The following ANO1 variants were observed in gnomAD, a reference collection of about 807,000 sequenced individuals.
ANO1 encodes the protein anoctamin-1.
ANO1 carries 59 observed loss-of-function variants against 124.0 expected under a neutral mutation model. That is an observed-to-expected ratio of 0.48 (90% CI 0.39 to 0.59). The LOEUF (loss-of-function observed/expected upper bound fraction) is 0.59. Among genes scored for constraint, ANO1 ranks in the 20% least tolerant of loss-of-function variants. ANO1 has a pLI of 0.00. For missense variants in ANO1, 1,059 were observed against 1,328.0 expected, an observed-to-expected ratio of 0.80 and a Z score of 3.15; for synonymous variants, 529 against 532.0, an observed-to-expected ratio of 0.99 and a Z score of 0.08.
chr11:70,118,311 T>C (rs1441517763), intron 8 of ANO1, among the ~76,000 whole-genome samples: 3 of 151,998 alleles, frequency 2.0e-5, no homozygotes, highest in Non-Finnish European at 4.4e-5. Context: ...TACTTATTCA[T>C]TTGAGAAATA....
chr11:70,108,251 T>A, intron 5 of ANO1, 102 bp from the exon 6 acceptor site: 1 of 1,167,134 alleles, frequency 8.6e-7, no homozygotes, highest in Non-Finnish European at 1.2e-6. Flanking sequence ...GAGGTCTTCA[T>A]GCGTAACGTG....
At chr11:70,016,024 CT>C (rs5792504) in intron 1 of ANO1, among the ~76,000 whole-genome samples, 80,530 of 147,704 alleles carry the variant, frequency 0.55, 22,383 homozygotes, top group East Asian at 0.91. Flanking sequence ...TCCTTTCTTT[CT>C]TTTTTTTTTT....
chr11:70,105,082 C>T (rs1448089511), intron 4 of ANO1, among the ~76,000 whole-genome samples: 3 of 152,042 alleles, frequency 2.0e-5, no homozygotes, highest in South Asian at 2.1e-4. Context: ...GGACCCCCGC[C>T]GACCTCCCTC....
At chr11:70,075,031 G>C (rs1464107046), upstream of ANO1, 1 of 152,242 alleles carries the variant, frequency 6.6e-6, no homozygotes, top group Non-Finnish European at 1.5e-5. Context: ...GCACACCAAG[G>C]CCATGCGGTT....
Position 70,111,688 on chromosome 11 carries a change from C to T in ANO1, c.800-19C>T. 1 of 1,613,914 alleles carries T rather than the reference C, an allele frequency of 6.2e-7. No individual in the cohort carries two copies. Among genetic ancestry groups the T allele is most frequent in the East Asian group, 2.2e-5 (1 of 44,884 alleles). On this transcript the variant is annotated intron_variant, in intron 6 of 25. Transcript: ENST00000355303. The stretch of plus-strand genomic sequence containing the variant: ...AGACCCGCCTGCCCCATAACCTTCT[C>T]TCTGCCTCTGTTTTTAAGGCATCAC...
chr11:70,038,790 A>G (rs1475822188), intron 1 of ANO1, among the ~76,000 whole-genome samples: 1 of 152,148 alleles, frequency 6.6e-6, no homozygotes, highest in African/African-American at 2.4e-5. Flanking sequence ...GGTAGGAAAA[A>G]CCTCAGAGGA....
At chr11:70,010,390 T>G (rs1238106669) in intron 1 of ANO1, among the ~76,000 whole-genome samples, 17 of 151,472 alleles carry the variant, frequency 1.1e-4, no homozygotes, top group Middle Eastern at 3.4e-3. Context: ...CAGTGGCTCT[T>G]GTGGAAATGA....
At chr11:70,006,342 C>A (rs547125598) in intron 1 of ANO1, among the ~76,000 whole-genome samples, 11 of 152,256 alleles carry the variant, frequency 7.2e-5, no homozygotes, top group African/African-American at 2.4e-4. Context: ...TTCTTCCTGC[C>A]TACAGCTCTT....
intron 21 of ANO1, among the ~76,000 whole-genome samples, chr11:70,168,234 G>A (rs1210675593): frequency 1.3e-5 from 2 of 152,174 alleles, no homozygotes; most frequent in Non-Finnish European, 2.9e-5. Context: ...CCAGCCCCGT[G>A]GAGCTCAGGC....
At chr11:70,149,595 G>A in intron 11 of ANO1, 115 bp from the exon 12 acceptor site, 1 of 1,072,102 alleles carries the variant, frequency 9.3e-7, no homozygotes, top group Non-Finnish European at 1.3e-6. Context: ...GATTGCAGTG[G>A]GTGGAGATTG....
At chr11:70,073,002 T>G (rs1857910255) in intron 1 of ANO1, 2 of 152,206 alleles carry the variant, frequency 1.3e-5, no homozygotes, top group Admixed American at 1.3e-4. Context: ...CACCCTTGTC[T>G]CCCTGGAGTG....
chr11:70,104,195 G>T, intron 4 of ANO1, 45 bp downstream of exon 4: 3 of 1,571,492 alleles, frequency 1.9e-6, no homozygotes, highest in Non-Finnish European at 2.6e-6. Flanking sequence ...TCCTGTGTGT[G>T]GGGATTTAAC....
rs888675318 is a variant in ANO1 at position 70,189,238 on chromosome 11, G to A, written c.*1234G>A. The A allele has an allele frequency of 3.3e-5, 5 of 152,598 alleles. No homozygotes were observed. In the East Asian group the frequency reaches 9.6e-4, roughly 29 times the overall value. 9.5% of individuals were successfully genotyped at this position (152,598 alleles called of 1,614,324 possible). A position where few individuals can be genotyped will look rare whatever the true frequency, so the allele number is the denominator to read the frequency against. On this transcript the variant is annotated 3_prime_UTR_variant, in exon 26 of 26. Transcript: ENST00000355303. ...CAGGAGGAAAAATAGAAATAAATTT[G>A]TCTTGAAGATCTCATTGATGTGATG...
At chr11:70,008,046 A>G (rs753280926) in intron 1 of ANO1, among the ~76,000 whole-genome samples, 1 of 152,066 alleles carries the variant, frequency 6.6e-6, no homozygotes, top group Non-Finnish European at 1.5e-5. Context: ...CTTCTTGACC[A>G]TTTGTGTTTT....
At chr11:70,046,911 T>TA (rs1857268153) in intron 1 of ANO1, among the ~76,000 whole-genome samples, 1 of 151,626 alleles carries the variant, frequency 6.6e-6, no homozygotes, top group South Asian at 2.1e-4. Context: ...CTGTCTCTAC[T>TA]AAAAATACAA....
At chr11:70,080,004 G>A (rs1227796102) in intron 1 of ANO1, among the ~76,000 whole-genome samples, 5 of 152,232 alleles carry the variant, frequency 3.3e-5, no homozygotes, top group Non-Finnish European at 7.3e-5. Flanking sequence ...AGGAGCTCAG[G>A]GATTGCCATT....
At chr11:70,102,889 C>G (rs1483702425) in intron 2 of ANO1, among the ~76,000 whole-genome samples, 177 bp from the exon 3 acceptor site, 2 of 152,218 alleles carry the variant, frequency 1.3e-5, no homozygotes, top group Admixed American at 6.5e-5. Context: ...CTCCCACCTT[C>G]TGCTAAAGGG....
At chr11:70,023,933 A>T (rs1187529930) in intron 1 of ANO1, among the ~76,000 whole-genome samples, 1 of 152,240 alleles carries the variant, frequency 6.6e-6, no homozygotes, top group Admixed American at 6.5e-5. Flanking sequence ...CAGGTGGTTC[A>T]CTGCAACCTA....
chr11:70,072,098 G>C (rs1030477213), intron 1 of ANO1, among the ~76,000 whole-genome samples: 1 of 152,162 alleles, frequency 6.6e-6, no homozygotes, highest in African/African-American at 2.4e-5. Context: ...GTACAGAAAC[G>C]TTGCATCAGG....
Sources: gnomAD v4.1 joint callset for allele counts (sites outside exome capture counted in the v4.1 genomes callset) on GRCh38, gnomAD v4.1.1 for gene constraint, MANE v1.5 for transcripts, NCBI Gene and HGNC (gene_info 2026-07-23, HGNC 2026-07-21) for gene names.